The following COG5 variants were observed in gnomAD, a reference collection of about 807,000 sequenced individuals.
COG5 encodes conserved oligomeric Golgi complex subunit 5.
In COG5, 86 loss-of-function variants were observed where a neutral mutation model predicts 110.4. The ratio of observed to expected loss-of-function variants is 0.78; its 90% confidence interval spans 0.65 to 0.93. COG5 has a LOEUF of 0.93. COG5 is among the 40% of genes least tolerant of loss of function. The probability of loss-of-function intolerance (pLI) is 0.00; values close to 1 mark genes in which losing one functional copy is unlikely to be tolerated. For missense variants in COG5, 1,077 were observed against 987.0 expected, an observed-to-expected ratio of 1.09 and a Z score of -1.22; for synonymous variants, 360 against 334.6, an observed-to-expected ratio of 1.08 and a Z score of -0.83.
chr7:107,255,465 A>G (rs2116605278), intron 16 of COG5, among the ~76,000 whole-genome samples: 1 of 152,130 alleles, frequency 6.6e-6, no homozygotes. Context: ...TTCCCTGTAA[A>G]TTCTAAAGCA....
chr7:107,215,061 A>C (rs1037165522), intron 19 of COG5, among the ~76,000 whole-genome samples: 6 of 152,192 alleles, frequency 3.9e-5, no homozygotes, highest in African/African-American at 1.4e-4. Flanking sequence ...GTATGTTATC[A>C]AAATTCAGTG....
At chr7:107,314,974 G>A (rs556725353) in intron 11 of COG5, among the ~76,000 whole-genome samples, 1 of 152,220 alleles carries the variant, frequency 6.6e-6, no homozygotes, top group Admixed American at 6.5e-5. Flanking sequence ...TACAGTGTTA[G>A]GATGGTACTT....
chr7:107,461,777 T>C (rs1466368829), intron 6 of COG5, among the ~76,000 whole-genome samples: 2 of 152,234 alleles, frequency 1.3e-5, no homozygotes, highest in Non-Finnish European at 2.9e-5. Context: ...TTTTAAAATA[T>C]TGTTTGTAAT....
intron 6 of COG5, among the ~76,000 whole-genome samples, chr7:107,511,279 A>C (rs1299497074): frequency 6.6e-6 from 1 of 152,234 alleles, no homozygotes; most frequent in Non-Finnish European, 1.5e-5. Flanking sequence ...CTACGCAAAT[A>C]AACTAGACAA....
At chr7:107,343,156 G>T (rs1811313054) in intron 10 of COG5, among the ~76,000 whole-genome samples, 1 of 152,084 alleles carries the variant, frequency 6.6e-6, no homozygotes, top group African/African-American at 2.4e-5. Flanking sequence ...TTATAAGTGA[G>T]GGCTAAATAT....
intron 6 of COG5, among the ~76,000 whole-genome samples, chr7:107,487,903 T>C (rs1236730426): frequency 6.6e-6 from 1 of 152,150 alleles, no homozygotes; most frequent in African/African-American, 2.4e-5. Context: ...CAGTAATGCA[T>C]AAGCAAACAG....
At chr7:107,397,629 GT>G (rs1347025010) in intron 7 of COG5, among the ~76,000 whole-genome samples, 2 of 152,152 alleles carry the variant, frequency 1.3e-5, no homozygotes, top group African/African-American at 4.8e-5. Flanking sequence ...CTATAAAGTG[GT>G]AATGACAGTG....
intron 12 of COG5, among the ~76,000 whole-genome samples, chr7:107,286,946 G>A (rs1423948514): frequency 6.6e-6 from 1 of 152,090 alleles, no homozygotes; most frequent in East Asian, 1.9e-4. Flanking sequence ...AAAAAGATAT[G>A]TCAGCATAAA....
intron 10 of COG5, among the ~76,000 whole-genome samples, chr7:107,350,575 C>A (rs1427903316): frequency 6.6e-6 from 1 of 152,152 alleles, no homozygotes; most frequent in African/African-American, 2.4e-5. Flanking sequence ...TTTCTGCTCT[C>A]ATTCACAGAT....
Position 107,415,811 on chromosome 7 carries a change from T to TAC in COG5, c.539-3181_539-3180dup, listed in dbSNP as rs1201776190. On this transcript the variant is annotated intron_variant, in intron 6 of 21. Transcript: ENST00000297135. The stretch of plus-strand genomic sequence containing the variant: ...ACGTATGTATGTATGTGTGTATATA[T>TAC]ACACACATACACGTATGTATGTATG... Among the ~76,000 whole-genome samples the TAC allele has an allele frequency of 4.9e-4, 44 of 90,188 alleles. 3 individuals are homozygous for TAC. The highest frequency in any genetic ancestry group is 1.9e-3 in the East Asian group (6 of 3,154). 59.2% of individuals were successfully genotyped at this position (90,188 alleles called of 152,430 possible). A position where few individuals can be genotyped will look rare whatever the true frequency, so the allele number is the denominator to read the frequency against.
chr7:107,236,751 C>G, intron 17 of COG5, 64 bp from the exon 18 acceptor site: 1 of 1,010,366 alleles, frequency 9.9e-7, no homozygotes, highest in Non-Finnish European at 1.6e-6. Context: ...TGATTTTGTA[C>G]CCCTCTCCCC....
intron 6 of COG5, among the ~76,000 whole-genome samples, chr7:107,441,251 G>A (rs1277975049): frequency 1.1e-4 from 9 of 83,398 alleles, no homozygotes; most frequent in Non-Finnish European, 1.4e-4. Flanking sequence ...GTGAGACTCC[G>A]TCTCAAAAAA....
At chr7:107,321,376 T>C (rs1284509026) in intron 11 of COG5, among the ~76,000 whole-genome samples, 2 of 152,134 alleles carry the variant, frequency 1.3e-5, no homozygotes, top group Non-Finnish European at 2.9e-5. Flanking sequence ...AAACTGTGAA[T>C]TCATCACATA....
chr7:107,249,081 C>G (rs1802280278), intron 16 of COG5, among the ~76,000 whole-genome samples: 1 of 152,130 alleles, frequency 6.6e-6, no homozygotes, highest in Non-Finnish European at 1.5e-5. Context: ...TCTGCTCTTT[C>G]CCCTGCTCCC....
In COG5 at chr7:107,300,651, A is replaced by G. The variant is rs186717652; in HGVS notation, c.1109-2305T>C. Among the ~76,000 whole-genome samples the G allele has an allele frequency of 3.0e-3, 464 of 152,304 alleles. 1 individual carries two copies. The highest frequency in any genetic ancestry group is 0.012 in the South Asian group (58 of 4,830). On this transcript the variant is annotated intron_variant, in intron 11 of 21. Transcript: ENST00000297135. ...TAGCTGCACACTGAAAACTACAAAA[A>G]CAATGCTGAGATGAAGAAGACCTAT...
chr7:107,213,992 C>T (rs1443878397), intron 19 of COG5, among the ~76,000 whole-genome samples: 1 of 151,916 alleles, frequency 6.6e-6, no homozygotes, highest in Non-Finnish European at 1.5e-5. Flanking sequence ...CAGGAAACTA[C>T]AAGAATATAA....
At chr7:107,257,216 A>G (rs1197040533) in intron 15 of COG5, among the ~76,000 whole-genome samples, 1 of 152,174 alleles carries the variant, frequency 6.6e-6, no homozygotes, top group Non-Finnish European at 1.5e-5. Context: ...CATCATGAAA[A>G]TTTTGAAAAT....
chr7:107,355,780 T>C (rs528652699), intron 10 of COG5, among the ~76,000 whole-genome samples: 3 of 152,290 alleles, frequency 2.0e-5, no homozygotes, highest in African/African-American at 2.4e-5. Context: ...GGAATTCAAG[T>C]AGGAATGAAT....
intron 6 of COG5, among the ~76,000 whole-genome samples, chr7:107,526,459 A>T (rs1800754597): frequency 6.6e-6 from 1 of 152,232 alleles, no homozygotes; most frequent in Non-Finnish European, 1.5e-5. Flanking sequence ...GTCCTGCAAT[A>T]AATGTCTGAG....
Sources: allele counts gnomAD v4.1 joint callset (sites outside exome capture counted in the v4.1 genomes callset), GRCh38; gene constraint gnomAD v4.1.1; transcripts MANE v1.5; gene names NCBI Gene and HGNC (gene_info 2026-07-23, HGNC 2026-07-21).